Variants in CRYBG1 observed in about 807,000 individuals in gnomAD.
The protein encoded by CRYBG1 is beta/gamma crystallin domain-containing protein 1.
A neutral mutation model predicts 189.2 loss-of-function variants in CRYBG1; 139 were observed. The ratio of observed to expected loss-of-function variants is 0.73; its 90% CI spans 0.64 to 0.85. CRYBG1 has a LOEUF of 0.85. CRYBG1 is among the 40% of genes least tolerant of loss of function. CRYBG1 has a pLI of 0.00. For missense variants in CRYBG1, 2,611 were observed against 2,675.8 expected, an observed-to-expected ratio of 0.98 and a Z score of 0.53; for synonymous variants, 1,023 against 1,017.1, an observed-to-expected ratio of 1.01 and a Z score of -0.11.
At chr6:106,504,856 C>A (rs1305605778) in intron 2 of CRYBG1, among the ~76,000 whole-genome samples, 2 of 151,874 alleles carry the variant, frequency 1.3e-5, no homozygotes, top group East Asian at 1.9e-4. Flanking sequence ...GTTTCTGATA[C>A]TGAGATGATA....
intron 10 of CRYBG1, among the ~76,000 whole-genome samples, chr6:106,542,078 T>A (rs1489549068): frequency 6.6e-6 from 1 of 151,886 alleles, no homozygotes; most frequent in Non-Finnish European, 1.5e-5. Flanking sequence ...TTTAGAATCC[T>A]CTGGTTCCTT....
rs572371716 is a variant in CRYBG1 at position 106,454,769 on chromosome 6, A to G, written c.312+2937A>G. The stretch of plus-strand genomic sequence containing the variant: ...TTGTATACTATTTTTAACACGTTGT[A>G]ACAACATTTCTTAAAGTAGACAATA... On this transcript the variant is annotated intron_variant, in intron 2 of 21. Coordinates refer to ENST00000633556, the MANE Select transcript of CRYBG1 (RefSeq NM_001371242.2). The G allele has an allele frequency of 2.0e-5, 3 of 152,360 alleles. No individual in the cohort carries two copies. In the East Asian group the frequency reaches 5.8e-4, roughly 29 times the overall value. 9.4% of individuals were successfully genotyped at this position (152,360 alleles called of 1,614,324 possible).
At position 106,360,939 on chromosome 6, in the gene CRYBG1, C is replaced by T. The variant is rs1582719014; in HGVS notation, c.31C>T (p.Pro11Ser). The change falls in exon 1 of 22, where the codon CCC becomes TCC. Residue 11 changes from proline (P) to serine (S), a missense_variant. Physicochemically the swap from Pro to Ser is moderately conservative, Grantham distance 74 (BLOSUM62 -1). Transcript: ENST00000633556. ...GCTGTCCCCGCCAGCCCAGGGCGACCCCGGGGAGCCCAGCCCGTGCAGGCC... is the reference window on the plus strand; with the variant it reads ...GCTGTCCCCGCCAGCCCAGGGCGACTCCGGGGAGCCCAGCCCGTGCAGGCC... MPLSPPAQGDPGEPSPCRPPK... is the reference protein window; with the variant it reads MPLSPPAQGDSGEPSPCRPPK... 12 of 1,534,714 alleles carry T rather than the reference C, an allele frequency of 7.8e-6. No homozygotes were observed. Among genetic ancestry groups the T allele is most frequent in the South Asian group, 6.0e-5 (5 of 84,020 alleles).
intron 2 of CRYBG1, among the ~76,000 whole-genome samples, chr6:106,457,900 A>G (rs1771921659): frequency 6.6e-6 from 1 of 152,238 alleles, no homozygotes; most frequent in Non-Finnish European, 1.5e-5. Flanking sequence ...ATAGCATGTT[A>G]TATTTTGTGC....
chr6:106,517,419 CACA>C, intron 3 of CRYBG1, among the ~76,000 whole-genome samples: 1 of 116,878 alleles, frequency 8.6e-6, no homozygotes, highest in Non-Finnish European at 1.8e-5. Context: ...CACATATATA[CACA>C]TATATATACA....
intron 2 of CRYBG1, among the ~76,000 whole-genome samples, chr6:106,496,770 T>TACAA (rs1286500716): frequency 1.3e-5 from 2 of 152,222 alleles, no homozygotes; most frequent in Non-Finnish European, 2.9e-5. Context: ...TTCTCTGTGA[T>TACAA]ACAAGATAAA....
At chr6:106,416,059 C>T (rs1192174401) in intron 1 of CRYBG1, among the ~76,000 whole-genome samples, 1 of 152,198 alleles carries the variant, frequency 6.6e-6, no homozygotes, top group Non-Finnish European at 1.5e-5. Flanking sequence ...AGTTTATCTG[C>T]TCTGTTCCCC....
rs1414056137 is a variant in CRYBG1 at position 106,399,582 on chromosome 6, T to C, written c.173+38501T>C. Among the ~76,000 whole-genome samples, 4 of 152,152 alleles carry C rather than the reference T, an allele frequency of 2.6e-5. No individual in the cohort carries two copies. In the South Asian group the frequency reaches 6.2e-4, roughly 24 times the overall value. On this transcript the variant is annotated intron_variant, in intron 1 of 21. Coordinates refer to ENST00000633556, the MANE Select transcript of CRYBG1 (RefSeq NM_001371242.2). Reference sequence around the variant, plus strand: ...GAAGGAAACTTGCAGTATTCTCTTATGGCTTAGTAAGAACTTTTCTGTGTG... The same window carrying C: ...GAAGGAAACTTGCAGTATTCTCTTACGGCTTAGTAAGAACTTTTCTGTGTG...
At chr6:106,565,256 C>T (rs1254907350) in intron 21 of CRYBG1, among the ~76,000 whole-genome samples, 5 of 151,054 alleles carry the variant, frequency 3.3e-5, no homozygotes, top group African/African-American at 4.9e-5. Context: ...GGGAGGCGGA[C>T]GTTGCACTGA....
Position 106,499,579 on chromosome 6 carries a change from A to G in CRYBG1, c.313-11851A>G, listed in dbSNP as rs888454714. Among the ~76,000 whole-genome samples, 3 of 152,006 alleles carry G rather than the reference A, an allele frequency of 2.0e-5. 1 individual carries two copies. Among genetic ancestry groups the G allele is most frequent in the Non-Finnish European group, 4.4e-5 (3 of 68,036 alleles). On this transcript the variant is annotated intron_variant, in intron 2 of 21. Transcript: ENST00000633556. ...TGTATACATTGTTGTATACGTTGTAATTGTATACATTGTGTTGTATACATG... is the reference window on the plus strand; with the variant it reads ...TGTATACATTGTTGTATACGTTGTAGTTGTATACATTGTGTTGTATACATG...
chr6:106,371,120 T>C (rs1242138296), intron 1 of CRYBG1, among the ~76,000 whole-genome samples: 2 of 152,222 alleles, frequency 1.3e-5, no homozygotes, highest in East Asian at 1.9e-4. Flanking sequence ...CAGTATGATA[T>C]TGTACCTATG....
chr6:106,494,229 G>T (rs1259121410), intron 2 of CRYBG1, among the ~76,000 whole-genome samples: 1 of 152,084 alleles, frequency 6.6e-6, no homozygotes, highest in African/African-American at 2.4e-5. Flanking sequence ...GGGTGGCAGG[G>T]GGTGGGCAGA....
rs774626145 is a variant in CRYBG1 at position 106,527,266 on chromosome 6, C to T, written c.4413-39C>T. On this transcript the variant is annotated intron_variant, in intron 6 of 21. Transcript: ENST00000633556. ...ATTTGAGTAATCAAAACCTCTCTCA[C>T]GAAGACTGACTAATGGTTTTGCTGT... is the stretch of plus-strand genomic sequence containing the variant. 2.9e-5 allele frequency: 45 copies of T among 1,564,506 alleles called. No homozygotes were observed. The Middle Eastern group carries it at 6.8e-4, about 24-fold the overall frequency.
In CRYBG1 at chr6:106,421,153, A is replaced by T. The variant is rs1335717046; in HGVS notation, c.174-30541A>T. ...GAGTGCAGTGCACTTGAGGCCAAGG[A>T]AGGTGAACAGATGAGATGATTGTTA... On this transcript the variant is annotated intron_variant, in intron 1 of 21. Transcript: ENST00000633556. 2.0e-5 allele frequency among the ~76,000 whole-genome samples: 3 copies of T among 152,204 alleles called. No homozygotes were observed. The East Asian group carries it at 5.8e-4, about 29-fold the overall frequency.
chr6:106,559,654 G>GC, intron 18 of CRYBG1, among the ~76,000 whole-genome samples: 1 of 152,016 alleles, frequency 6.6e-6, no homozygotes, highest in African/African-American at 2.4e-5. Context: ...GTGTGGTGGT[G>GC]GGGCCCCTGT....
Position 106,527,218 on chromosome 6 carries a change from A to ATT in CRYBG1, c.4413-86_4413-85insTT, listed in dbSNP as rs555543096. ...GGCTGCTAATATTCTATATATATATATAAAATGGCAATTAGCCAGGTTATT... is the reference window on the plus strand; with the variant it reads ...GGCTGCTAATATTCTATATATATATATTTAAAATGGCAATTAGCCAGGTTATT... On this transcript the variant is annotated intron_variant, in intron 6 of 21. Transcript: ENST00000633556. The ATT allele has an allele frequency of 2.0e-4, 227 of 1,112,166 alleles. No individual in the cohort carries two copies. The African/African-American group carries it at 3.3e-3, about 16-fold the overall frequency. The allele number at this position is 1,112,166 out of a possible 1,614,324, so 68.9% of individuals were successfully genotyped here.
At chr6:106,425,808 T>G (rs1470130427) in intron 1 of CRYBG1, among the ~76,000 whole-genome samples, 1 of 152,094 alleles carries the variant, frequency 6.6e-6, no homozygotes, top group Non-Finnish European at 1.5e-5. Context: ...CTGGCTAATT[T>G]TTATATTTTC....
chr6:106,387,234 A>G (rs895801344), intron 1 of CRYBG1, among the ~76,000 whole-genome samples: 1 of 152,228 alleles, frequency 6.6e-6, no homozygotes. Context: ...ATATTGAATT[A>G]TCAGAATTTC....
chr6:106,380,096 C>T (rs1456053971), intron 1 of CRYBG1, among the ~76,000 whole-genome samples: 2 of 152,126 alleles, frequency 1.3e-5, no homozygotes, highest in African/African-American at 4.8e-5. Flanking sequence ...ACTGCCCTGA[C>T]TTGTGCAATT....
Sources: allele counts gnomAD v4.1 joint callset (sites outside exome capture counted in the v4.1 genomes callset), GRCh38; gene constraint gnomAD v4.1.1; transcripts MANE v1.5; gene names NCBI Gene and HGNC (gene_info 2026-07-23, HGNC 2026-07-21).